DNAH12: variants seen among roughly 807,000 people sequenced by gnomAD.
DNAH12 encodes the protein dynein axonemal heavy chain 12, also known as axonemal beta dynein heavy chain 12.
Under a neutral mutation model 371.5 loss-of-function variants are expected in DNAH12, and 285 were observed. That is an observed-to-expected ratio of 0.77 (90% CI 0.70 to 0.85). DNAH12 has a LOEUF of 0.85. Ranked by LOEUF, DNAH12 falls within the 40% of genes least tolerant of loss-of-function variation. The probability of loss-of-function intolerance (pLI) is 0.00; values close to 1 mark genes in which losing one functional copy is unlikely to be tolerated. For synonymous variants in DNAH12, 1,200 were observed against 1,213.0 expected (o/e 0.99, Z 0.22); for missense variants, 3,611 against 3,689.4 (o/e 0.98, Z 0.55).
chr3:57,506,903 G>A (rs1480588410), intron 8 of DNAH12, among the ~76,000 whole-genome samples: 2 of 151,720 alleles, frequency 1.3e-5, no homozygotes, highest in African/African-American at 4.9e-5. Context: ...AAACAAACAT[G>A]GTTCTAAATG....
In DNAH12 at chr3:57,428,393, A is replaced by C. The variant is rs919091264; in HGVS notation, c.5253+240T>G. 5.4e-5 allele frequency: 77 copies of C among 1,421,528 alleles called. No homozygotes were observed. Among genetic ancestry groups the C allele is most frequent in the Middle Eastern group, 1.8e-4 (1 of 5,438 alleles). 88.1% of individuals were successfully genotyped at this position (1,421,528 alleles called of 1,614,324 possible). A position where few individuals can be genotyped will look rare whatever the true frequency, so the allele number is the denominator to read the frequency against. The stretch of plus-strand genomic sequence containing the variant: ...TATTTAAAATAATTTGAAATACGGA[A>C]AGTAATTAGAATTTTTAAAATTTTA... On this transcript the variant is annotated intron_variant, in intron 34 of 73. Transcript: ENST00000495027.
At chr3:57,517,976 C>T (rs561475333) in intron 4 of DNAH12, among the ~76,000 whole-genome samples, 10 of 152,194 alleles carry the variant, frequency 6.6e-5, no homozygotes, top group African/African-American at 2.2e-4. Context: ...ATTGCTTGAG[C>T]CTGGAAAGCA....
Position 57,302,537 on chromosome 3 carries a change from A to C in DNAH12, c.11190-598T>G, listed in dbSNP as rs1444082154. Among the ~76,000 whole-genome samples, 73 of 47,448 alleles carry C rather than the reference A, an allele frequency of 1.5e-3. 2 individuals carry two copies. The highest frequency in any genetic ancestry group is 4.1e-3 in the African/African-American group (70 of 16,900). 31.1% of individuals were successfully genotyped at this position (47,448 alleles called of 152,430 possible). ...TAACTAAGGCATCAGGTGTATATAT[A>C]TATATATATATATATATATATATAT... On this transcript the variant is annotated intron_variant, in intron 69 of 73. Coordinates refer to ENST00000495027, the MANE Select transcript of DNAH12 (RefSeq NM_001366028.2).
Position 57,429,095 on chromosome 3 carries a change from C to T in DNAH12, c.5065-274G>A, listed in dbSNP as rs6805597. On this transcript the variant is annotated intron_variant, in intron 33 of 73. Transcript: ENST00000495027. ...TCTCCCTGGAGAAGTCTTACATCTT[C>T]CTCAAAATCAGATCAAACACTCAGT... 4.3e-3 allele frequency among the ~76,000 whole-genome samples: 657 copies of T among 152,304 alleles called. 3 individuals are homozygous for T. The highest frequency in any genetic ancestry group is 0.015 in the African/African-American group (622 of 41,570).
rs1051340805 is a variant in DNAH12, at chr3:57,400,114, C to A, written c.6948+3195G>T. On this transcript the variant is annotated intron_variant, in intron 43 of 73. Coordinates refer to ENST00000495027, the MANE Select transcript of DNAH12 (RefSeq NM_001366028.2). The stretch of plus-strand genomic sequence containing the variant: ...GACCAGACTGGCCAAATGGCGAAAC[C>A]CCATCTCTACAAAAAATACAAAAAT... Among the ~76,000 whole-genome samples the A allele has an allele frequency of 4.6e-5, 7 of 152,006 alleles. No homozygotes were observed. In the East Asian group the frequency reaches 1.2e-3, roughly 25 times the overall value.
At chr3:57,350,290 A>C (rs997749871) in intron 60 of DNAH12, among the ~76,000 whole-genome samples, 3 of 152,214 alleles carry the variant, frequency 2.0e-5, no homozygotes, top group Non-Finnish European at 1.5e-5. Flanking sequence ...GTTGAGATAA[A>C]TAAAAAATTA....
intron 71 of DNAH12, 47 bp downstream of exon 71, chr3:57,296,800 A>G (rs1256080701): frequency 2.6e-6 from 4 of 1,531,608 alleles, no homozygotes; most frequent in African/African-American, 2.8e-5. Flanking sequence ...GTTTAAATAC[A>G]TGACTTAATG....
intron 18 of DNAH12, among the ~76,000 whole-genome samples, chr3:57,462,227 G>T (rs9883823): frequency 0.67 from 101,365 of 151,096 alleles, 34,056 homozygotes; most frequent in South Asian, 0.75. Context: ...ACACACTTTG[G>T]GGGGGAGGAA....
At chr3:57,496,474 C>G (rs868122091) in intron 11 of DNAH12, among the ~76,000 whole-genome samples, 176 of 152,136 alleles carry the variant, frequency 1.2e-3, no homozygotes, top group African/African-American at 3.9e-3. Flanking sequence ...CAGCGCCCTC[C>G]CATGATAAAA....
chr3:57,294,193 T>TTTTTTTG, intron 73 of DNAH12, among the ~76,000 whole-genome samples: 1 of 142,630 alleles, frequency 7.0e-6, no homozygotes, highest in Middle Eastern at 3.6e-3. Context: ...TTTTTTTTTT[T>TTTTTTTG]GGAGACTGAG....
Position 57,446,030 on chromosome 3 carries a change from C to G in DNAH12, c.4179+1G>C, listed in dbSNP as rs1434837070. On this transcript the variant is annotated splice_donor_variant, in intron 27 of 73. Transcript: ENST00000495027. LOFTEE classifies it high-confidence loss of function. ...ATAAATAAATAAATAAATAATATTACCTTAAGATTGTCCGGCAATTCAGAG... is the reference window on the plus strand; with the variant it reads ...ATAAATAAATAAATAAATAATATTAGCTTAAGATTGTCCGGCAATTCAGAG... 1 of 1,540,426 alleles carries G rather than the reference C, an allele frequency of 6.5e-7. No homozygotes were observed. Among genetic ancestry groups the G allele is most frequent in the Non-Finnish European group, 8.8e-7 (1 of 1,140,852 alleles).
intron 60 of DNAH12, among the ~76,000 whole-genome samples, chr3:57,349,554 A>G (rs1161493966): frequency 6.6e-6 from 1 of 152,260 alleles, no homozygotes; most frequent in Non-Finnish European, 1.5e-5. Flanking sequence ...CAAAAATATG[A>G]AACCAGCCCA....
chr3:57,359,358 G>A (rs909620368), intron 58 of DNAH12, among the ~76,000 whole-genome samples: 1 of 151,388 alleles, frequency 6.6e-6, no homozygotes. Context: ...TCCGGAGTTC[G>A]AGACCAGCCT....
At chr3:57,388,163 T>A (rs1214785862) in intron 45 of DNAH12, among the ~76,000 whole-genome samples, 1 of 152,182 alleles carries the variant, frequency 6.6e-6, no homozygotes, top group African/African-American at 2.4e-5. Context: ...TTGGACGTGC[T>A]TTTCCCTCTG....
At chr3:57,361,444 C>A (rs922115702) in intron 58 of DNAH12, among the ~76,000 whole-genome samples, 2 of 116,718 alleles carry the variant, frequency 1.7e-5, no homozygotes, top group African/African-American at 4.2e-5. Context: ...CACACACACA[C>A]TATATATATA....
chr3:57,491,090 A>AC (rs2067106224), intron 11 of DNAH12, among the ~76,000 whole-genome samples: 6 of 146,198 alleles, frequency 4.1e-5, no homozygotes, highest in East Asian at 2.0e-4. Flanking sequence ...TCAAAAAAAA[A>AC]AAAAAAAAAA....
In DNAH12 at chr3:57,389,798, A is replaced by ATGTGTGTGTGTGTGTGTGTGTGTG. The variant is rs1211815764; in HGVS notation, c.7305+2050_7305+2073dup. Reference sequence around the variant, plus strand: ...TATACATATAAATATATATACACATATGTGTGTGTGTGTGTGTGTGTGTGT... The same window carrying ATGTGTGTGTGTGTGTGTGTGTGTG: ...TATACATATAAATATATATACACATATGTGTGTGTGTGTGTGTGTGTGTGTGTGTGTGTGTGTGTGTGTGTGTGT... On this transcript the variant is annotated intron_variant, in intron 45 of 73. Transcript: ENST00000495027. Among the ~76,000 whole-genome samples the ATGTGTGTGTGTGTGTGTGTGTGTG allele has an allele frequency of 3.3e-4, 31 of 92,580 alleles. No homozygotes were observed. The South Asian group carries it at 3.6e-3, about 11-fold the overall frequency. The allele number at this position is 92,580 out of a possible 152,430, so 60.7% of individuals were successfully genotyped here. A position where few individuals can be genotyped will look rare whatever the true frequency, so the allele number is the denominator to read the frequency against.
chr3:57,461,107 T>C (rs6779006), intron 19 of DNAH12, among the ~76,000 whole-genome samples: 21,734 of 152,112 alleles, frequency 0.14, 1,675 homozygotes, highest in Non-Finnish European at 0.18. Context: ...AAAAGATCCT[T>C]ATGCTAGCTG....
At chr3:57,503,503 C>T (rs747274559) in intron 9 of DNAH12, among the ~76,000 whole-genome samples, 1 of 151,924 alleles carries the variant, frequency 6.6e-6, no homozygotes, top group Non-Finnish European at 1.5e-5. Context: ...GTTTTCCTGC[C>T]TCAACCTCCT....
Sources: allele counts gnomAD v4.1 joint callset (sites outside exome capture counted in the v4.1 genomes callset), GRCh38; gene constraint gnomAD v4.1.1; transcripts MANE v1.5; gene names NCBI Gene and HGNC (gene_info 2026-07-23, HGNC 2026-07-21).